Variants in SPATA6 observed in about 807,000 individuals in gnomAD.
SPATA6 encodes the protein spermatogenesis associated 6, also known as spermatogenesis-associated protein 6.
Under a neutral mutation model 65.3 loss-of-function variants are expected in SPATA6, and 56 were observed. That is an observed-to-expected ratio of 0.86 (90% confidence interval 0.69 to 1.07). The LOEUF (loss-of-function observed/expected upper bound fraction) is 1.07. Among genes scored for constraint, SPATA6 ranks in the 50% least tolerant of loss-of-function variants. The pLI is 0.00. For synonymous variants in SPATA6, 199 were observed against 213.2 expected, an observed-to-expected ratio of 0.93 and a Z score of 0.58; for missense variants, 590 against 594.8, an observed-to-expected ratio of 0.99 and a Z score of 0.08.
At chr1:48,355,822 T>C in intron 10 of SPATA6, 53 bp from the exon 11 acceptor site, 2 of 1,394,346 alleles carry the variant, frequency 1.4e-6, no homozygotes, top group South Asian at 2.4e-5. Flanking sequence ...GTAATGATTC[T>C]AAGCTATACT....
At chr1:48,307,576 A>C (rs986536249) in intron 11 of SPATA6, among the ~76,000 whole-genome samples, 4 of 151,256 alleles carry the variant, frequency 2.6e-5, no homozygotes, top group Non-Finnish European at 4.4e-5. Flanking sequence ...GCTTTGTTGC[A>C]CATCTTGTAA....
At chr1:48,462,931 C>A (rs1045417450) in intron 1 of SPATA6, among the ~76,000 whole-genome samples, 1 of 152,136 alleles carries the variant, frequency 6.6e-6, no homozygotes, top group Non-Finnish European at 1.5e-5. Context: ...AGGGATTATA[C>A]CATCTGTTGA....
In SPATA6 at chr1:48,453,110, G is replaced by A; in HGVS notation, c.73C>T (p.Leu25Phe). 1 of 1,612,566 alleles carries A rather than the reference G, an allele frequency of 6.2e-7. No individual in the cohort carries two copies. Among genetic ancestry groups the A allele is most frequent in the Non-Finnish European group, 8.5e-7 (1 of 1,179,538 alleles). ...AGATAGATGTCCTCTTTGTCTTTAA[G>A]CACGACTCCTGGGCAAGTTACCTGA... ...ISSVTCPGVV[L>F]KDKEDIYLSI... The change falls in exon 2 of 13, where the codon CTT (leucine) becomes TTT (phenylalanine). Residue 25 changes from leucine to phenylalanine, a missense_variant. By Grantham distance (22) the Leu-to-Phe change is conservative. Transcript: ENST00000371847.
intron 6 of SPATA6, among the ~76,000 whole-genome samples, chr1:48,403,274 G>C (rs919727332): frequency 3.9e-5 from 6 of 152,098 alleles, no homozygotes; most frequent in African/African-American, 1.4e-4. Flanking sequence ...CCTTAGGCTG[G>C]AATGTCCAAG....
the SPATA6 span, among the ~76,000 whole-genome samples, chr1:48,283,772 C>A: frequency 6.7e-6 from 1 of 150,054 alleles, no homozygotes; most frequent in Non-Finnish European, 1.5e-5. Flanking sequence ...TCTCTTCTGG[C>A]ATTTAGGGTT....
rs757626817 is a variant in SPATA6, at chr1:48,413,110, C to T, written c.280G>A (p.Val94Met). The T allele has an allele frequency of 5.3e-6, 7 of 1,320,840 alleles. No individual in the cohort carries two copies. Among genetic ancestry groups the T allele is most frequent in the Admixed American group, 6.0e-5 (2 of 33,150 alleles). The allele number at this position is 1,320,840 out of a possible 1,614,324, so 81.8% of individuals were successfully genotyped here. ...VFELIQLVPP[V>M]GETLSTYDEN... The stretch of plus-strand genomic sequence containing the variant: ...TATATATTACATCAATATATATTAC[C>T]TGGTGGAACTAGCTGTATCAACTCG... The change falls in exon 4 of 13, where the codon GTG (valine) becomes ATG (methionine). Residue 94 changes from valine (V) to methionine (M), a missense_variant and splice_region_variant. Transcript: ENST00000371847.
chr1:48,446,065 G>A (rs1027042194), intron 3 of SPATA6, among the ~76,000 whole-genome samples: 2 of 152,166 alleles, frequency 1.3e-5, no homozygotes, highest in African/African-American at 2.4e-5. Flanking sequence ...TATTCAAGGA[G>A]GAAGAGACTG....
At chr1:48,423,531 T>A (rs1184311832) in intron 3 of SPATA6, among the ~76,000 whole-genome samples, 1 of 150,346 alleles carries the variant, frequency 6.7e-6, no homozygotes, top group Non-Finnish European at 1.5e-5. Flanking sequence ...AAAACAGAAC[T>A]TTTATTTAAT....
chr1:48,268,205 C>G, the SPATA6 span, among the ~76,000 whole-genome samples: 5 of 151,966 alleles, frequency 3.3e-5, no homozygotes, highest in East Asian at 9.7e-4. Context: ...GGGACCCCAC[C>G]CTTCTCTACC....
chr1:48,366,923 G>C (rs961390744), intron 9 of SPATA6, among the ~76,000 whole-genome samples: 2 of 152,052 alleles, frequency 1.3e-5, no homozygotes, highest in African/African-American at 4.8e-5. Context: ...GCTTTGTCTT[G>C]TGGGCATTCA....
At chr1:48,436,618 G>T (rs1654963011) in intron 3 of SPATA6, 6 of 1,613,812 alleles carry the variant, frequency 3.7e-6, no homozygotes. Context: ...GAGGCATAGG[G>T]CTGTGTATGA....
intron 11 of SPATA6, among the ~76,000 whole-genome samples, chr1:48,320,859 A>T (rs934092395): frequency 2.6e-5 from 4 of 152,198 alleles, no homozygotes; most frequent in African/African-American, 9.6e-5. Flanking sequence ...CAAAAAGTTA[A>T]AAAGAGGGGA....
At chr1:48,455,946 G>T (rs1295847172) in intron 1 of SPATA6, among the ~76,000 whole-genome samples, 1 of 152,084 alleles carries the variant, frequency 6.6e-6, no homozygotes, top group Non-Finnish European at 1.5e-5. Flanking sequence ...AAATCAGATG[G>T]GACAAACAGA....
intron 3 of SPATA6, among the ~76,000 whole-genome samples, chr1:48,429,795 T>C (rs1005714456): frequency 1.3e-5 from 2 of 151,962 alleles, no homozygotes; most frequent in African/African-American, 4.8e-5. Context: ...ATAAAAATAT[T>C]TAAAAGGAAC....
intron 11 of SPATA6, among the ~76,000 whole-genome samples, chr1:48,317,459 C>T (rs889153618): frequency 6.6e-6 from 1 of 151,198 alleles, no homozygotes; most frequent in Non-Finnish European, 1.5e-5. Context: ...TTCTCACTCA[C>T]AGGTGGGAAC....
intron 11 of SPATA6, chr1:48,344,229 T>C (rs1646299373): frequency 6.6e-6 from 1 of 152,150 alleles, no homozygotes; most frequent in Admixed American, 6.6e-5. Context: ...TGGCAGTACA[T>C]ATACTAACAT....
downstream of SPATA6, among the ~76,000 whole-genome samples, chr1:48,294,027 TCTTA>T (rs967140427): frequency 2.0e-5 from 3 of 152,224 alleles, no homozygotes; most frequent in Non-Finnish European, 4.4e-5. Context: ...GGATTTTCTC[TCTTA>T]CTTACCTCTT....
intron 11 of SPATA6, among the ~76,000 whole-genome samples, chr1:48,317,533 G>C (rs534207633): frequency 2.6e-5 from 4 of 151,994 alleles, no homozygotes; most frequent in African/African-American, 4.8e-5. Context: ...GTTGTGGGGT[G>C]GGGGGAGAGG....
At chr1:48,353,441 A>C (rs1432506054) in intron 11 of SPATA6, among the ~76,000 whole-genome samples, 1 of 151,544 alleles carries the variant, frequency 6.6e-6, no homozygotes, top group Non-Finnish European at 1.5e-5. Flanking sequence ...CTTGAAAAAA[A>C]AAAAACTCAC....
Sources: gnomAD v4.1 joint callset for allele counts (sites outside exome capture counted in the v4.1 genomes callset) on GRCh38, gnomAD v4.1.1 for gene constraint, MANE v1.5 for transcripts, NCBI Gene and HGNC (gene_info 2026-07-23, HGNC 2026-07-21) for gene names.